Variants in ATP6V1D observed in about 807,000 individuals in gnomAD.
ATP6V1D encodes the protein V-type proton ATPase subunit D.
A neutral mutation model predicts 39.4 loss-of-function variants in ATP6V1D; 20 were observed. That is an observed-to-expected ratio of 0.51 (90% CI 0.36 to 0.74). ATP6V1D has a LOEUF of 0.74. ATP6V1D is among the 30% of genes least tolerant of loss of function. The probability of loss-of-function intolerance (pLI) is 0.00; values close to 1 mark genes in which losing one functional copy is unlikely to be tolerated. For synonymous variants in ATP6V1D, 100 were observed against 100.5 expected (o/e 0.99, Z 0.03); for missense variants, 228 against 291.6 (o/e 0.78, Z 1.59).
chr14:67,350,572 C>T, intron 3 of ATP6V1D, 39 bp downstream of exon 3: 1 of 1,544,108 alleles, frequency 6.5e-7, no homozygotes, highest in East Asian at 2.3e-5. Context: ...ACTGAAATCA[C>T]TTTGTTTTGC....
chr14:67,349,174 G>T, intron 3 of ATP6V1D, 70 bp from the exon 4 acceptor site: 1 of 1,415,494 alleles, frequency 7.1e-7, no homozygotes. Context: ...CCACTGGATA[G>T]TTTTAACATT....
chr14:67,350,809 G>T, intron 2 of ATP6V1D, 119 bp from the exon 3 acceptor site: 2 of 949,042 alleles, frequency 2.1e-6, no homozygotes, highest in South Asian at 1.8e-5. Flanking sequence ...TGTAAATATT[G>T]GTTTGATAAC....
intron 1 of ATP6V1D, among the ~76,000 whole-genome samples, chr14:67,354,272 A>G (rs190209282): frequency 5.8e-4 from 89 of 152,324 alleles, no homozygotes; most frequent in African/African-American, 2.0e-3. Flanking sequence ...ATCATCATAA[A>G]TGTTATCAGG....
chr14:67,352,819 G>C (rs2085664322), intron 2 of ATP6V1D, 104 bp downstream of exon 2: 2 of 745,916 alleles, frequency 2.7e-6, no homozygotes, highest in African/African-American at 3.9e-5. Context: ...TTTTACTTTT[G>C]AAAGAAAAAA....
intron 1 of ATP6V1D, among the ~76,000 whole-genome samples, chr14:67,353,411 G>GT (rs997947938): frequency 2.0e-5 from 3 of 152,152 alleles, no homozygotes; most frequent in Non-Finnish European, 4.4e-5. Context: ...AGCTACAGGT[G>GT]TAAGTGGGAG....
At chr14:67,349,130 T>G in intron 3 of ATP6V1D, 26 bp from the exon 4 acceptor site, 1 of 1,606,982 alleles carries the variant, frequency 6.2e-7, no homozygotes, top group Non-Finnish European at 8.5e-7. Context: ...AAGACTTTAT[T>G]TAGCAGACTC....
At chr14:67,339,851 C>A (rs2085566211) in intron 8 of ATP6V1D, among the ~76,000 whole-genome samples, 1 of 152,056 alleles carries the variant, frequency 6.6e-6, no homozygotes, top group Non-Finnish European at 1.5e-5. Context: ...GTAATCCCAG[C>A]ACTTTGGCAG....
At chr14:67,356,406 G>A (rs1260625910) in intron 1 of ATP6V1D, among the ~76,000 whole-genome samples, 2 of 149,430 alleles carry the variant, frequency 1.3e-5, no homozygotes, top group African/African-American at 2.5e-5. Context: ...GGGCAACAGA[G>A]GGAAAACCTG....
intron 1 of ATP6V1D, among the ~76,000 whole-genome samples, chr14:67,354,810 T>C (rs1237519410): frequency 6.6e-6 from 1 of 152,196 alleles, no homozygotes; most frequent in Non-Finnish European, 1.5e-5. Flanking sequence ...TTTGTACCTT[T>C]TGCATTTTAT....
At chr14:67,358,396 G>C (rs1396613219) in intron 1 of ATP6V1D, among the ~76,000 whole-genome samples, 1 of 152,136 alleles carries the variant, frequency 6.6e-6, no homozygotes, top group East Asian at 1.9e-4. Flanking sequence ...CTTCAGGTTT[G>C]AATATAACTT....
intron 6 of ATP6V1D, among the ~76,000 whole-genome samples, chr14:67,343,896 T>C (rs1209218825): frequency 1.3e-5 from 2 of 152,212 alleles, no homozygotes; most frequent in East Asian, 1.9e-4. Flanking sequence ...GAGATTTCCA[T>C]AGGGCTAACA....
intron 7 of ATP6V1D, among the ~76,000 whole-genome samples, chr14:67,342,392 T>C (rs935084008): frequency 2.0e-5 from 3 of 151,656 alleles, no homozygotes; most frequent in Admixed American, 6.6e-5. Context: ...TATGAATATA[T>C]AACATTGAAG....
chr14:67,350,769 T>TAA (rs1273579516), intron 2 of ATP6V1D, 79 bp from the exon 3 acceptor site: 1 of 1,331,284 alleles, frequency 7.5e-7, no homozygotes, highest in Non-Finnish European at 1.1e-6. Context: ...GTTCCTTTAA[T>TAA]AACCATCAGT....
rs139725549 is a variant in ATP6V1D at position 67,345,191 on chromosome 14, G to C, written c.456+577C>G. The stretch of plus-strand genomic sequence containing the variant: ...CAGGAGGTTAAGGTTGCAGTGAGCT[G>C]GGATTATGCCACTGCACTCCAGCCT... On this transcript the variant is annotated intron_variant, in intron 6 of 8. Transcript: ENST00000216442. Among the ~76,000 whole-genome samples, 704 of 150,080 alleles carry C rather than the reference G, an allele frequency of 4.7e-3. 5 individuals are homozygous for C. Among genetic ancestry groups the C allele is most frequent in the African/African-American group, 0.016 (671 of 40,796 alleles).
At chr14:67,339,033 G>A (rs1284457315) in intron 8 of ATP6V1D, among the ~76,000 whole-genome samples, 14 of 131,284 alleles carry the variant, frequency 1.1e-4, no homozygotes, top group South Asian at 4.7e-4. Context: ...TTGCTCTGTC[G>A]CCCAGGGTGG....
chr14:67,340,513 T>C lies in ATP6V1D; in HGVS notation c.529A>G (p.Ile177Val), dbSNP rs376721505. The stretch of plus-strand genomic sequence containing the variant: ...GCAAGAGTACGTTCAATCCGGGGAA[T>C]GATGACTAGAATAAAAAAAAAAATA... ...RRVNAIEHVI[I>V]PRIERTLAYI... Residue 177 changes from isoleucine to valine, a missense_variant, in exon 8 of 9, where the codon ATT becomes GTT. This residue lies in a region of ATP6V1D where 114 missense variants were observed against 128.3 expected (regional missense o/e 0.89). Coordinates refer to ENST00000216442, the MANE Select transcript of ATP6V1D (RefSeq NM_015994.4). 3 of 1,586,448 alleles carry C rather than the reference T, an allele frequency of 1.9e-6. No individual in the cohort carries two copies. The highest frequency in any genetic ancestry group is 1.8e-5 in the Admixed American group (1 of 57,136).
At chr14:67,340,792 G>A (rs914625097) in intron 7 of ATP6V1D, among the ~76,000 whole-genome samples, 8 of 152,112 alleles carry the variant, frequency 5.3e-5, no homozygotes, top group African/African-American at 1.9e-4. Context: ...TCCTGCCTCA[G>A]CCTGCCGAGT....
At chr14:67,341,309 G>A (rs867107682) in intron 7 of ATP6V1D, among the ~76,000 whole-genome samples, 4 of 151,452 alleles carry the variant, frequency 2.6e-5, no homozygotes, top group South Asian at 4.2e-4. Context: ...GGTGAGGAGC[G>A]TCTCTGCCCG....
At chr14:67,348,931 G>C in intron 4 of ATP6V1D, 106 bp downstream of exon 4, 1 of 1,063,572 alleles carries the variant, frequency 9.4e-7, no homozygotes, top group Non-Finnish European at 1.4e-6. Context: ...CTTGTTCTAA[G>C]TAGAAGGAAG....
Sources: allele counts gnomAD v4.1 joint callset (sites outside exome capture counted in the v4.1 genomes callset), GRCh38; gene constraint gnomAD v4.1.1; regional missense constraint gnomAD v4.1.1; transcripts MANE v1.5; gene names NCBI Gene and HGNC (gene_info 2026-07-23, HGNC 2026-07-21).